ZNF385D: variants seen among roughly 807,000 people sequenced by gnomAD.
ZNF385D encodes zinc finger protein 385D.
In ZNF385D, 15 loss-of-function variants were observed where a neutral mutation model predicts 35.8. That is an observed-to-expected ratio of 0.42 (90% CI 0.28 to 0.64). The LOEUF is 0.64. Among genes scored for constraint, ZNF385D ranks in the 30% least tolerant of loss-of-function variants. ZNF385D has a pLI of 0.23. For synonymous variants in ZNF385D, 212 were observed against 186.8 expected, an observed-to-expected ratio of 1.13 and a Z score of -1.10; for missense variants, 474 against 494.6, an observed-to-expected ratio of 0.96 and a Z score of 0.39.
At chr3:21,674,961 T>A (rs1275179372) in intron 1 of ZNF385D, among the ~76,000 whole-genome samples, 1 of 151,804 alleles carries the variant, frequency 6.6e-6, no homozygotes, top group South Asian at 2.1e-4. Context: ...GAAAAATGAG[T>A]GAGCAAACAA....
At chr3:21,831,876 G>A (rs1253176034) in intron 3 of ZNF385D, among the ~76,000 whole-genome samples, 1 of 152,092 alleles carries the variant, frequency 6.6e-6, no homozygotes, top group Non-Finnish European at 1.5e-5. Context: ...AAAATAAGCT[G>A]CAGTTTGAAA....
chr3:21,683,630 A>G (rs2066987667), intron 1 of ZNF385D, among the ~76,000 whole-genome samples: 1 of 149,516 alleles, frequency 6.7e-6, no homozygotes, highest in African/African-American at 2.5e-5. Flanking sequence ...AAAAAAAGAG[A>G]TTGTTCATGT....
chr3:21,621,324 G>T (rs942259466), intron 2 of ZNF385D, among the ~76,000 whole-genome samples: 1 of 152,174 alleles, frequency 6.6e-6, no homozygotes, highest in Middle Eastern at 3.4e-3. Context: ...ATGGGCTGTC[G>T]CTGGCAATCT....
intron 3 of ZNF385D, among the ~76,000 whole-genome samples, chr3:21,932,565 T>A (rs1204877875): frequency 1.3e-5 from 2 of 152,104 alleles, no homozygotes; most frequent in East Asian, 3.9e-4. Context: ...AGTTACTTTA[T>A]GTGGCTGATT....
intron 5 of ZNF385D, among the ~76,000 whole-genome samples, chr3:21,434,180 T>C (rs7619922): frequency 0.038 from 5,799 of 152,234 alleles, 329 homozygotes; most frequent in African/African-American, 0.13. Flanking sequence ...ACAGTTTCAT[T>C]TGGTCAGCCC....
chr3:22,195,564 G>T (rs1471541650), intron 2 of ZNF385D, among the ~76,000 whole-genome samples: 1 of 151,852 alleles, frequency 6.6e-6, no homozygotes, highest in African/African-American at 2.4e-5. Context: ...TTTACATTTT[G>T]AAATCTGTGG....
At chr3:22,158,205 G>T (rs139117624) in intron 3 of ZNF385D, among the ~76,000 whole-genome samples, 2 of 152,008 alleles carry the variant, frequency 1.3e-5, no homozygotes, top group Non-Finnish European at 2.9e-5. Context: ...GGCTGGGCAG[G>T]TGAGTTATAT....
chr3:22,252,041 T>C (rs1044762646), intron 2 of ZNF385D, among the ~76,000 whole-genome samples: 2 of 152,062 alleles, frequency 1.3e-5, no homozygotes, highest in African/African-American at 4.8e-5. Context: ...GCAACCTAAT[T>C]CAAATCGATA....
rs139275613 is a variant in ZNF385D at position 22,367,926 on chromosome 3, C to T, written c.106+4524G>A. On this transcript the variant is annotated intron_variant, in intron 2 of 5. Transcript: ENST00000494108. ...GTGGCATAATAACGCATTTTATTCT[C>T]ATGGGGACAAATAGGTCTAATGACG... is the stretch of plus-strand genomic sequence containing the variant. 2.5e-3 allele frequency among the ~76,000 whole-genome samples: 375 copies of T among 152,284 alleles called. 1 individual carries two copies. The highest frequency in any genetic ancestry group is 4.3e-3 in the Admixed American group (66 of 15,294).
intron 3 of ZNF385D, among the ~76,000 whole-genome samples, chr3:21,819,851 A>C (rs187955643): frequency 6.7e-6 from 1 of 148,156 alleles, no homozygotes; most frequent in African/African-American, 2.4e-5. Flanking sequence ...ACATATATAC[A>C]TAAATATACA....
intron 1 of ZNF385D, among the ~76,000 whole-genome samples, chr3:21,691,833 T>G (rs1478027093): frequency 6.6e-6 from 1 of 152,238 alleles, no homozygotes; most frequent in African/African-American, 2.4e-5. Flanking sequence ...AAATCCAGAA[T>G]GTTTTCATCA....
chr3:22,307,924 G>A (rs898511243), intron 2 of ZNF385D, among the ~76,000 whole-genome samples: 1 of 151,952 alleles, frequency 6.6e-6, no homozygotes, highest in Admixed American at 6.6e-5. Context: ...GATAAATGAG[G>A]CACTTTAAAA....
At chr3:21,939,077 C>T (rs1701395607) in intron 3 of ZNF385D, among the ~76,000 whole-genome samples, 3 of 152,142 alleles carry the variant, frequency 2.0e-5, no homozygotes, top group East Asian at 1.9e-4. Flanking sequence ...ATGCTGGCAA[C>T]TAAATGGGAG....
rs773862117 is a variant in ZNF385D at position 21,992,636 on chromosome 3, A to G, written c.325+176181T>C. Among the ~76,000 whole-genome samples, 5 of 152,190 alleles carry G rather than the reference A, an allele frequency of 3.3e-5. No individual in the cohort carries two copies. In the South Asian group the frequency reaches 6.2e-4, roughly 19 times the overall value. ...TGACAAGAAAAATCTCTCTGAAGCT[A>G]AAGTTCGCATTATTATACTATATTG... On this transcript the variant is annotated intron_variant, in intron 3 of 5. Transcript: ENST00000494108.
At chr3:22,355,930 T>C (rs1049639409) in intron 2 of ZNF385D, among the ~76,000 whole-genome samples, 1 of 151,966 alleles carries the variant, frequency 6.6e-6, no homozygotes, top group African/African-American at 2.4e-5. Flanking sequence ...TTACAGCAAA[T>C]AGACACATAA....
At chr3:21,912,513 A>C (rs554268702) in intron 3 of ZNF385D, among the ~76,000 whole-genome samples, 63 of 152,132 alleles carry the variant, frequency 4.1e-4, no homozygotes, top group African/African-American at 1.5e-3. Context: ...GAGGAAGCTA[A>C]ATAAACTGAC....
intron 2 of ZNF385D, among the ~76,000 whole-genome samples, chr3:22,241,448 T>C (rs1699488631): frequency 1.3e-5 from 2 of 151,314 alleles, no homozygotes; most frequent in South Asian, 2.2e-4. Context: ...CTCGTCTGAA[T>C]CACTAGGTGC....
chr3:21,490,339 G>T (rs1204018012), intron 4 of ZNF385D, among the ~76,000 whole-genome samples: 1 of 151,804 alleles, frequency 6.6e-6, no homozygotes. Flanking sequence ...CTCTTCTTTT[G>T]CTCTTGCTGT....
intron 3 of ZNF385D, among the ~76,000 whole-genome samples, chr3:21,760,114 T>G (rs1026003424): frequency 6.6e-6 from 1 of 152,216 alleles, no homozygotes; most frequent in Non-Finnish European, 1.5e-5. Flanking sequence ...TCTCTCAATC[T>G]CGTCTTTGCT....
Sources: gnomAD v4.1 joint callset for allele counts (sites outside exome capture counted in the v4.1 genomes callset) on GRCh38, gnomAD v4.1.1 for gene constraint, MANE v1.5 for transcripts, NCBI Gene and HGNC (gene_info 2026-07-23, HGNC 2026-07-21) for gene names.